Variants in RBFOX2 observed in about 807,000 individuals in gnomAD.
RBFOX2 encodes RNA binding protein fox-1 homolog 2.
Under a neutral mutation model 49.1 loss-of-function variants are expected in RBFOX2, and 10 were observed. The observed-to-expected ratio is 0.20, with a 90% CI of 0.13 to 0.35. The LOEUF is 0.35. Among genes scored for constraint, RBFOX2 ranks in the 10% least tolerant of loss-of-function variants. The pLI, the probability that RBFOX2 is intolerant of heterozygous loss-of-function variation, is 1.00. For synonymous variants in RBFOX2, 183 were observed against 187.4 expected (o/e 0.98, Z 0.19); for missense variants, 323 against 486.9 (o/e 0.66, Z 3.17).
intron 1 of RBFOX2, among the ~76,000 whole-genome samples, chr22:35,839,046 C>T (rs1188138938): frequency 6.6e-6 from 1 of 151,640 alleles, no homozygotes; most frequent in East Asian, 1.9e-4. Flanking sequence ...AGAGAGAACA[C>T]AAAAAAAGGG....
intron 1 of RBFOX2, among the ~76,000 whole-genome samples, chr22:35,907,625 ATTTAC>A (rs1159023207): frequency 6.6e-6 from 1 of 152,018 alleles, no homozygotes; most frequent in African/African-American, 2.4e-5. Flanking sequence ...ATAATAAATT[ATTTAC>A]TTTAACTTAC....
chr22:35,898,203 T>G (rs750199878), intron 1 of RBFOX2: 107 of 755,774 alleles, frequency 1.4e-4, no homozygotes, highest in Middle Eastern at 2.4e-4. Context: ...TGACAACACA[T>G]CGGCCCAGGA....
intron 2 of RBFOX2, among the ~76,000 whole-genome samples, chr22:35,785,940 C>T (rs960686751): frequency 6.6e-6 from 1 of 152,214 alleles, no homozygotes; most frequent in Non-Finnish European, 1.5e-5. Flanking sequence ...CTCATTCAAG[C>T]ACCTTCAAAC....
chr22:36,003,879 C>T (rs1309258496), intron 1 of RBFOX2, among the ~76,000 whole-genome samples: 1 of 152,174 alleles, frequency 6.6e-6, no homozygotes, highest in Non-Finnish European at 1.5e-5. Flanking sequence ...TGCCTTTACT[C>T]AACAACTGTT....
chr22:35,797,435 T>C (rs1395763040), intron 2 of RBFOX2, among the ~76,000 whole-genome samples: 2 of 152,256 alleles, frequency 1.3e-5, no homozygotes, highest in African/African-American at 4.8e-5. Context: ...GCTTTATGAA[T>C]ACTTTTCACT....
At chr22:36,003,653 A>C (rs2058513418) in intron 1 of RBFOX2, among the ~76,000 whole-genome samples, 1 of 152,248 alleles carries the variant, frequency 6.6e-6, no homozygotes, top group Non-Finnish European at 1.5e-5. Flanking sequence ...ATAAACTTTA[A>C]TCAGAACAAG....
At chr22:35,936,302 TC>T in intron 1 of RBFOX2, among the ~76,000 whole-genome samples, 1 of 149,996 alleles carries the variant, frequency 6.7e-6, no homozygotes, top group East Asian at 2.0e-4. Flanking sequence ...TTCACCCCAT[TC>T]CCCAGTTCCT....
intron 1 of RBFOX2, among the ~76,000 whole-genome samples, chr22:36,002,774 C>A (rs1323581073): frequency 2.0e-5 from 3 of 152,256 alleles, no homozygotes; most frequent in African/African-American, 7.2e-5. Flanking sequence ...CAGGCATGTG[C>A]CACTACACCC....
At chr22:35,965,493 ATGAAGCTGTTAG>A (rs1193704060), upstream of RBFOX2, among the ~76,000 whole-genome samples, 1 of 152,178 alleles carries the variant, frequency 6.6e-6, no homozygotes, top group African/African-American at 2.4e-5. Context: ...CCTTCTGAAA[ATGAAGCTGTTAG>A]TGGCTGAGAC....
chr22:35,927,771 CG>C (rs1355764005), intron 1 of RBFOX2, among the ~76,000 whole-genome samples: 2 of 152,106 alleles, frequency 1.3e-5, no homozygotes, highest in Non-Finnish European at 2.9e-5. Flanking sequence ...CCCTCTTATA[CG>C]CATGCTGCCA....
At chr22:36,008,325 TTCAA>T (rs201520503) in intron 1 of RBFOX2, among the ~76,000 whole-genome samples, 2,547 of 152,208 alleles carry the variant, frequency 0.017, 24 homozygotes, top group Middle Eastern at 0.027. Flanking sequence ...TCAAATTTTG[TTCAA>T]TCAAATTTTG....
At chr22:36,009,520 C>T (rs979047601) in intron 1 of RBFOX2, among the ~76,000 whole-genome samples, 2 of 152,088 alleles carry the variant, frequency 1.3e-5, no homozygotes, top group African/African-American at 4.8e-5. Flanking sequence ...ACTACAGGCA[C>T]ACACCACCAT....
intron 2 of RBFOX2, among the ~76,000 whole-genome samples, chr22:35,799,977 C>A (rs1250816841): frequency 6.6e-6 from 1 of 151,418 alleles, no homozygotes; most frequent in Non-Finnish European, 1.5e-5. Context: ...CCCCACCCCC[C>A]AAAAAAGGTA....
chr22:36,017,159 C>T (rs1037970086), intron 1 of RBFOX2, among the ~76,000 whole-genome samples: 2 of 152,308 alleles, frequency 1.3e-5, no homozygotes, highest in Non-Finnish European at 2.9e-5. Context: ...TATTTTCAAA[C>T]ATATCCAATA....
chr22:35,750,415 C>T (rs1465112005), intron 9 of RBFOX2: 2 of 1,587,952 alleles, frequency 1.3e-6, no homozygotes, highest in East Asian at 2.2e-5. Flanking sequence ...TGTATTTACA[C>T]ACAATCAGAC....
At chr22:35,879,782 T>A (rs1370312097) in intron 1 of RBFOX2, among the ~76,000 whole-genome samples, 1 of 152,176 alleles carries the variant, frequency 6.6e-6, no homozygotes, top group East Asian at 1.9e-4. Context: ...GTGTCAATAG[T>A]GGAGATAGCG....
intron 1 of RBFOX2, among the ~76,000 whole-genome samples, chr22:35,900,809 G>A (rs2048476315): frequency 6.6e-6 from 1 of 152,116 alleles, no homozygotes; most frequent in Non-Finnish European, 1.5e-5. Context: ...AAAATCATAT[G>A]ATAACAAAAG....
exon 12 of RBFOX2, chr22:35,743,916 C>T (rs1931148029): frequency 2.9e-6 from 1 of 343,078 alleles, no homozygotes; most frequent in Non-Finnish European, 5.1e-6. Flanking sequence ...GACATACAGA[C>T]ATGGAAATGC....
Position 35,849,626 on chromosome 22 carries a change from G to GA in RBFOX2, c.-33-39623dup, listed in dbSNP as rs1199678447. Among the ~76,000 whole-genome samples the GA allele has an allele frequency of 3.3e-5, 5 of 152,084 alleles. No individual in the cohort carries two copies. In the East Asian group the frequency reaches 7.7e-4, roughly 24 times the overall value. ...AATATACACCATACATAGCAAAAGG[G>GA]AAAAAATCTTCAGATAAGGACAGTA... On this transcript the variant is annotated intron_variant, in intron 1 of 13. Coordinates refer to the RBFOX2 transcript ENST00000359369.
Sources: allele counts gnomAD v4.1 joint callset (sites outside exome capture counted in the v4.1 genomes callset), GRCh38; gene constraint gnomAD v4.1.1; transcripts MANE v1.5; gene names NCBI Gene and HGNC (gene_info 2026-07-23, HGNC 2026-07-21).